Variants in STAG2 observed in about 807,000 individuals in gnomAD.
STAG2 encodes the protein cohesin subunit SA-2.
A neutral mutation model predicts 108.1 loss-of-function variants in STAG2; 14 were observed. The ratio of observed to expected loss-of-function variants is 0.13; its 90% confidence interval spans 0.09 to 0.20. The LOEUF (loss-of-function observed/expected upper bound fraction) is 0.20, where lower values mean the gene tolerates loss of function less well. STAG2 is among the 10% of genes least tolerant of loss of function. The pLI is 1.00. For synonymous variants in STAG2, 307 were observed against 302.7 expected (o/e 1.01, Z -0.15); for missense variants, 440 against 940.9 (o/e 0.47, Z 6.96).
chrX:124,018,581 G>A (rs748074532), intron 1 of STAG2, among the ~76,000 whole-genome samples: 181 of 110,708 alleles, frequency 1.6e-3, no homozygotes, highest in African/African-American at 5.7e-3. Flanking sequence ...GCTCACTGCA[G>A]CTTCTACCTC....
intron 1 of STAG2, among the ~76,000 whole-genome samples, chrX:123,985,557 G>A (rs2055129981): frequency 1.8e-5 from 2 of 110,286 alleles, no homozygotes; most frequent in Admixed American, 2.0e-4. Context: ...TAGGGAGGGA[G>A]GTCTTATGGT....
intron 1 of STAG2, among the ~76,000 whole-genome samples, chrX:123,964,406 A>G (rs1457204672): frequency 8.9e-6 from 1 of 111,931 alleles, no homozygotes; most frequent in Non-Finnish European, 1.9e-5. Flanking sequence ...TCCATTTGCA[A>G]TTTTTGTAAA....
At chrX:123,975,220 T>G (rs2054564470) in intron 1 of STAG2, among the ~76,000 whole-genome samples, 1 of 108,482 alleles carries the variant, frequency 9.2e-6, no homozygotes, top group Admixed American at 9.8e-5. Flanking sequence ...CCTTCTACAC[T>G]ATTAAAAAGA....
chrX:124,014,748 T>C (rs1602841872), intron 1 of STAG2, among the ~76,000 whole-genome samples: 1 of 110,855 alleles, frequency 9.0e-6, no homozygotes, highest in East Asian at 2.8e-4. Flanking sequence ...TCTTCTTACA[T>C]ATGCAGATTT....
chrX:124,068,089 T>C (rs1288386673), intron 23 of STAG2, among the ~76,000 whole-genome samples: 2 of 111,538 alleles, frequency 1.8e-5, no homozygotes, highest in African/African-American at 6.5e-5. Flanking sequence ...AAGTTTATAG[T>C]AATACCACAA....
At chrX:124,017,335 G>A (rs1180667940) in intron 1 of STAG2, among the ~76,000 whole-genome samples, 1 of 109,525 alleles carries the variant, frequency 9.1e-6, no homozygotes, top group Non-Finnish European at 1.9e-5. Context: ...TCAGCCTCCC[G>A]AGTAGCTGGG....
chrX:123,983,530 A>G (rs531262464), intron 1 of STAG2, among the ~76,000 whole-genome samples: 23 of 111,525 alleles, frequency 2.1e-4, no homozygotes, highest in African/African-American at 6.8e-4. Flanking sequence ...AGTGAAGCCT[A>G]TAGTGAAATG....
chrX:124,085,329 G>T (rs2059072157), intron 29 of STAG2, among the ~76,000 whole-genome samples: 1 of 111,482 alleles, frequency 9.0e-6, no homozygotes, highest in Non-Finnish European at 1.9e-5. Flanking sequence ...ATTTAGGTAT[G>T]TGGTGGGTAC....
intron 6 of STAG2, among the ~76,000 whole-genome samples, chrX:124,042,263 G>A (rs12847593): frequency 0.034 from 3,753 of 111,010 alleles, 62 homozygotes; most frequent in Non-Finnish European, 0.048. Flanking sequence ...AAGAGACAAA[G>A]CCAATATAAA....
At chrX:123,999,336 T>A (rs139993782) in intron 1 of STAG2, among the ~76,000 whole-genome samples, 1 of 111,240 alleles carries the variant, frequency 9.0e-6, no homozygotes, top group African/African-American at 3.3e-5. Context: ...CAGTCCACAT[T>A]CACATTTCTC....
chrX:124,018,662 G>A (rs1475116152), intron 1 of STAG2, among the ~76,000 whole-genome samples: 2 of 110,389 alleles, frequency 1.8e-5, no homozygotes, highest in Non-Finnish European at 3.8e-5. Flanking sequence ...CATCATGCCC[G>A]GCTGATTTTT....
chrX:124,046,417 C>G (rs144173949), intron 8 of STAG2, among the ~76,000 whole-genome samples: 383 of 111,890 alleles, frequency 3.4e-3, no homozygotes, highest in African/African-American at 0.012. Flanking sequence ...TAAATTAAAA[C>G]AGGGATTATG....
At position 124,056,239 on chromosome X, in the gene STAG2, A is replaced by C; in HGVS notation, c.1304+4A>C. 8.6e-7 allele frequency: 1 copy of C among 1,166,344 alleles called. No individual in the cohort carries two copies. Among genetic ancestry groups the C allele is most frequent in the Non-Finnish European group, 1.2e-6 (1 of 856,425 alleles). ...CTGGAGAATTTCTCTACAAAAAGTA[A>C]ATCTATATATCTGTTACTCATTTTC... On this transcript the variant is annotated splice_donor_region_variant and intron_variant, in intron 14 of 34. Coordinates refer to ENST00000371145, the MANE Select transcript of STAG2 (RefSeq NM_001042750.2).
chrX:123,975,169 G>A (rs1470209955), intron 1 of STAG2, among the ~76,000 whole-genome samples: 1 of 111,651 alleles, frequency 9.0e-6, no homozygotes, highest in African/African-American at 3.3e-5. Context: ...TAAAGAAATA[G>A]TATATATATA....
intron 1 of STAG2, among the ~76,000 whole-genome samples, chrX:124,020,968 G>C (rs755803375): frequency 1.1e-4 from 12 of 112,091 alleles, no homozygotes; most frequent in Non-Finnish European, 1.9e-4. Flanking sequence ...CACTGCGCCT[G>C]GCTGAAAACA....
chrX:124,051,496 T>TA (rs2058036949), intron 13 of STAG2, 102 bp downstream of exon 13: 1 of 530,711 alleles, frequency 1.9e-6, no homozygotes, highest in Non-Finnish European at 2.9e-6. Context: ...TTTAGTAGCT[T>TA]ACGTCATGGA....
At chrX:123,971,239 G>A (rs943559482) in intron 1 of STAG2, among the ~76,000 whole-genome samples, 19 of 111,465 alleles carry the variant, frequency 1.7e-4, no homozygotes, top group Non-Finnish European at 3.4e-4. Flanking sequence ...AGCCAGCCTG[G>A]CCAATATGGT....
At chrX:124,035,119 T>A (rs888714696) in intron 5 of STAG2, among the ~76,000 whole-genome samples, 2 of 110,498 alleles carry the variant, frequency 1.8e-5, no homozygotes, top group African/African-American at 6.6e-5. Context: ...CCAGGCTGTC[T>A]CTCTCAGTAA....
Position 124,100,977 on chromosome X carries a change from TGAC to T in STAG2, c.*381_*383del. The T allele has an allele frequency of 1.2e-5, 2 of 167,742 alleles. No homozygotes were observed. Among genetic ancestry groups the T allele is most frequent in the Non-Finnish European group, 2.3e-5 (2 of 87,446 alleles). 13.8% of individuals were successfully genotyped at this position (167,742 alleles called of 1,213,427 possible). A position where few individuals can be genotyped will look rare whatever the true frequency, so the allele number is the denominator to read the frequency against. ...ATTTACTGGTTGTACTAAATAATGA[TGAC>T]CTCTGCTGGATTTCTGTTTACATCC... On this transcript the variant is annotated 3_prime_UTR_variant, in exon 35 of 35. Transcript: ENST00000371145.
Sources: allele counts gnomAD v4.1 joint callset (sites outside exome capture counted in the v4.1 genomes callset), GRCh38; gene constraint gnomAD v4.1.1; transcripts MANE v1.5; gene names NCBI Gene and HGNC (gene_info 2026-07-23, HGNC 2026-07-21).